The following TNKS variants were observed in gnomAD, a reference collection of about 807,000 sequenced individuals.
The protein encoded by TNKS is tankyrase.
Under a neutral mutation model 135.8 loss-of-function variants are expected in TNKS, and 72 were observed. The observed-to-expected ratio is 0.53, with a 90% CI of 0.44 to 0.64. The LOEUF (loss-of-function observed/expected upper bound fraction) is 0.64. Ranked by LOEUF, TNKS falls within the 30% of genes least tolerant of loss-of-function variation. The probability of loss-of-function intolerance (pLI) is 0.00; values close to 1 mark genes in which losing one functional copy is unlikely to be tolerated. For synonymous variants in TNKS, 849 were observed against 649.3 expected, an observed-to-expected ratio of 1.31 and a Z score of -4.68; for missense variants, 1,769 against 1,674.0, an observed-to-expected ratio of 1.06 and a Z score of -0.99.
At chr8:9,660,367 C>A (rs1442023247) in intron 3 of TNKS, among the ~76,000 whole-genome samples, 1 of 152,168 alleles carries the variant, frequency 6.6e-6, no homozygotes, top group Non-Finnish European at 1.5e-5. Context: ...AATCCAGCAA[C>A]ACATCAAAAA....
intron 2 of TNKS, among the ~76,000 whole-genome samples, chr8:9,606,368 A>G (rs1344018086): frequency 6.6e-6 from 1 of 152,026 alleles, no homozygotes; most frequent in Non-Finnish European, 1.5e-5. Context: ...ATGCTTCATA[A>G]CACAAAGTAG....
intron 17 of TNKS, among the ~76,000 whole-genome samples, chr8:9,745,234 C>T (rs13259379): frequency 0.099 from 15,110 of 152,038 alleles, 1,175 homozygotes; most frequent in Admixed American, 0.23. Context: ...GATAATACCA[C>T]GAGTGGTACC....
chr8:9,771,031 A>G (rs1342242106), intron 26 of TNKS, among the ~76,000 whole-genome samples: 3 of 152,106 alleles, frequency 2.0e-5, no homozygotes, highest in South Asian at 2.1e-4. Context: ...TATTACTATG[A>G]TCTCATGGTT....
chr8:9,609,276 G>A lies in TNKS; in HGVS notation c.899-6306G>A, dbSNP rs1799355417. On this transcript the variant is annotated intron_variant, in intron 2 of 26. Transcript: ENST00000310430. ...TGCCTCATTATCTTGGCTGTGCACT[G>A]GACATTTTACCAACTGTTTATTTAT... 2.0e-5 allele frequency among the ~76,000 whole-genome samples: 3 copies of A among 152,210 alleles called. No homozygotes were observed. In the South Asian group the frequency reaches 6.2e-4, roughly 32 times the overall value.
At chr8:9,573,750 G>A (rs956443408) in intron 1 of TNKS, among the ~76,000 whole-genome samples, 4 of 152,212 alleles carry the variant, frequency 2.6e-5, no homozygotes, top group African/African-American at 9.6e-5. Context: ...TTCAAGTGAT[G>A]TACAGTGGTT....
chr8:9,666,920 G>A (rs1802026092), intron 3 of TNKS, among the ~76,000 whole-genome samples: 1 of 152,024 alleles, frequency 6.6e-6, no homozygotes, highest in African/African-American at 2.4e-5. Context: ...ATAGAGGTAT[G>A]TAATATATTT....
At chr8:9,564,298 A>C (rs1235463038) in intron 1 of TNKS, among the ~76,000 whole-genome samples, 1 of 152,162 alleles carries the variant, frequency 6.6e-6, no homozygotes, top group Non-Finnish European at 1.5e-5. Flanking sequence ...ATTCTTTGAC[A>C]GTTAACAGGC....
chr8:9,692,701 G>T (rs1039120658), intron 5 of TNKS, among the ~76,000 whole-genome samples: 3 of 152,178 alleles, frequency 2.0e-5, no homozygotes, highest in Admixed American at 2.0e-4. Context: ...TGATAAAGAA[G>T]TGAATAAAAC....
chr8:9,572,266 T>C (rs945434145), intron 1 of TNKS, among the ~76,000 whole-genome samples: 1 of 152,228 alleles, frequency 6.6e-6, no homozygotes, highest in Non-Finnish European at 1.5e-5. Flanking sequence ...TCTTTTCTCA[T>C]AGTTAAGGTT....
intron 20 of TNKS, 100 bp downstream of exon 20, chr8:9,752,726 G>C (rs1042540458): frequency 1.3e-6 from 1 of 755,890 alleles, no homozygotes; most frequent in Non-Finnish European, 2.1e-6. Context: ...GGAATGCTTC[G>C]GCAGGATTGC....
At position 9,679,725 on chromosome 8, in the gene TNKS, A is replaced by G. The variant is rs1192022082; in HGVS notation, c.995-226A>G. 9 of 486,138 alleles carry G rather than the reference A, an allele frequency of 1.9e-5. No individual in the cohort carries two copies. In the East Asian group the frequency reaches 2.5e-4, roughly 14 times the overall value. The allele number at this position is 486,138 out of a possible 1,614,324, so 30.1% of individuals were successfully genotyped here. On this transcript the variant is annotated intron_variant, in intron 3 of 26. Coordinates refer to ENST00000310430, the MANE Select transcript of TNKS (RefSeq NM_003747.3). ...ATTCATTGGTTGTCTGAAGAAAGCT[A>G]TTTCATCTGAGGATTGGACAAGAAG...
intron 3 of TNKS, among the ~76,000 whole-genome samples, chr8:9,620,394 G>A (rs916179884): frequency 6.6e-6 from 1 of 152,116 alleles, no homozygotes; most frequent in African/African-American, 2.4e-5. Context: ...CACGACAGCA[G>A]TAGCCTCATA....
intron 12 of TNKS, among the ~76,000 whole-genome samples, chr8:9,721,141 G>T (rs28721416): frequency 1.3e-5 from 2 of 151,584 alleles, no homozygotes; most frequent in African/African-American, 2.4e-5. Flanking sequence ...TTAGCTGGGC[G>T]GAGTGGCGCA....
At chr8:9,703,462 G>A (rs957425807) in intron 5 of TNKS, among the ~76,000 whole-genome samples, 1 of 152,192 alleles carries the variant, frequency 6.6e-6, no homozygotes, top group Non-Finnish European at 1.5e-5. Flanking sequence ...AGACACACGA[G>A]TAGCATGACT....
At chr8:9,602,005 C>T (rs140956736) in intron 2 of TNKS, among the ~76,000 whole-genome samples, 4 of 152,152 alleles carry the variant, frequency 2.6e-5, no homozygotes, top group East Asian at 3.9e-4. Context: ...TAGACGTTCT[C>T]AAGCAGGGAC....
chr8:9,653,241 A>G (rs1221508308), intron 3 of TNKS, among the ~76,000 whole-genome samples: 1 of 152,164 alleles, frequency 6.6e-6, no homozygotes, highest in South Asian at 2.1e-4. Flanking sequence ...TTGTTGCTTA[A>G]TGAACTAACC....
At chr8:9,559,120 G>T (rs1417701715) in intron 1 of TNKS, among the ~76,000 whole-genome samples, 2 of 152,162 alleles carry the variant, frequency 1.3e-5, no homozygotes, top group Non-Finnish European at 2.9e-5. Context: ...GTAATGGCAA[G>T]CAGCCCTTAA....
chr8:9,721,596 G>A (rs918608697), intron 12 of TNKS, among the ~76,000 whole-genome samples: 6 of 150,296 alleles, frequency 4.0e-5, no homozygotes, highest in African/African-American at 1.5e-4. Context: ...AGAAGTCCTG[G>A]TTACTTTTTT....
intron 26 of TNKS, among the ~76,000 whole-genome samples, chr8:9,771,258 G>A (rs577549835): frequency 3.0e-5 from 4 of 131,688 alleles, no homozygotes; most frequent in Non-Finnish European, 4.9e-5. Context: ...AGGGAGGAAG[G>A]AAGTGAGGGA....
Sources: gnomAD v4.1 joint callset for allele counts (sites outside exome capture counted in the v4.1 genomes callset) on GRCh38, gnomAD v4.1.1 for gene constraint, MANE v1.5 for transcripts, NCBI Gene and HGNC (gene_info 2026-07-23, HGNC 2026-07-21) for gene names.